ZDHHC1: variants seen among roughly 807,000 people sequenced by gnomAD.
The protein encoded by ZDHHC1 is palmitoyltransferase ZDHHC1.
In ZDHHC1, 45 loss-of-function variants were observed where a neutral mutation model predicts 46.9. The observed-to-expected ratio is 0.96, with a 90% confidence interval of 0.76 to 1.23. The LOEUF is 1.23. ZDHHC1 is among the 50% of genes most tolerant of loss of function. ZDHHC1 has a pLI of 0.00. For synonymous variants in ZDHHC1, 291 were observed against 286.0 expected (o/e 1.02, Z -0.18); for missense variants, 649 against 670.8 (o/e 0.97, Z 0.36).
Position 67,406,408 on chromosome 16 carries a change from G to T in ZDHHC1, c.44C>A (p.Ala15Asp), listed in dbSNP as rs1461328177. The T allele has an allele frequency of 1.3e-6, 2 of 1,565,422 alleles. No homozygotes were observed. The highest frequency in any genetic ancestry group is 8.7e-7 in the Non-Finnish European group (1 of 1,154,742). Residue 15 changes from alanine (A) to aspartate (D), a missense_variant, in exon 3 of 12, where the codon GCC becomes GAC. Ala to Asp is a moderately radical substitution (Grantham distance 126). Coordinates refer to ENST00000565726, the MANE Select transcript of ZDHHC1 (RefSeq NM_001323627.2). This position sits in a 1 kb window ranked among gnomAD's most constrained non-coding sequence, Gnocchi z 4.1. The stretch of plus-strand genomic sequence containing the variant: ...TGCCGTCCACACACTCTTCTCAGGG[G>T]CCGTCTTGTTGGAGGGCTTGTTGCA... The part of the protein sequence containing the change: ...NICNKPSNKT[A>D]PEKSVWTAPA...
chr16:67,400,299 G>C (rs1345412056), intron 4 of ZDHHC1, among the ~76,000 whole-genome samples: 4 of 152,230 alleles, frequency 2.6e-5, no homozygotes, highest in African/African-American at 9.6e-5. Context: ...CCGAGACCTG[G>C]AGACTGGGGG....
chr16:67,398,616 G>C lies in ZDHHC1; in HGVS notation c.771C>G (p.Ser257=), dbSNP rs2040480410. ...AGAGCAGGTGCCCCAGGAGGGCTGT[G>C]GACAGGAGGCCCAGAAGGATGAGCA... is the stretch of plus-strand genomic sequence containing the variant. ...AALLILLGLL[S]TALLGHLLCF... Residue 257 remains serine (S), a synonymous_variant, in exon 7 of 12, where the codon TCC becomes TCG. Transcript: ENST00000565726. 6 of 1,606,318 alleles carry C rather than the reference G, an allele frequency of 3.7e-6. No homozygotes were observed. The highest frequency in any genetic ancestry group is 5.1e-6 in the Non-Finnish European group (6 of 1,177,322).
intron 2 of ZDHHC1, among the ~76,000 whole-genome samples, chr16:67,407,459 T>C (rs1424031305): frequency 6.6e-6 from 1 of 152,128 alleles, no homozygotes; most frequent in Non-Finnish European, 1.5e-5. Flanking sequence ...GCAGAAAGGG[T>C]GCCGCAGACC....
At position 67,395,063 on chromosome 16, in the gene ZDHHC1, C is replaced by G. The variant is rs1428520349; in HGVS notation, c.1105-1G>C. 6.2e-7 allele frequency: 1 copy of G among 1,613,310 alleles called. No homozygotes were observed. The highest frequency in any genetic ancestry group is 8.5e-7 in the Non-Finnish European group (1 of 1,179,928). On this transcript the variant is annotated splice_acceptor_variant, in intron 10 of 11. Coordinates refer to ENST00000565726, the MANE Select transcript of ZDHHC1 (RefSeq NM_001323627.2). LOFTEE classifies it high-confidence loss of function. ...TATACACGCGCCTCTTCCTCTTTTT[C>G]TGCAGAGACACGGGGGAGCCTGAGG...
At chr16:67,399,333 C>T in intron 5 of ZDHHC1, 22 bp downstream of exon 5, 1 of 1,595,702 alleles carries the variant, frequency 6.3e-7, no homozygotes, top group Non-Finnish European at 8.6e-7. Flanking sequence ...CCCAGGCCCG[C>T]GTGCGGCCGG....
At chr16:67,411,841 G>A (rs564644164) in intron 1 of ZDHHC1, among the ~76,000 whole-genome samples, 5 of 152,320 alleles carry the variant, frequency 3.3e-5, no homozygotes, top group African/African-American at 1.2e-4. Context: ...GGCCGGGCGC[G>A]GTGGCTCACG....
In ZDHHC1 at chr16:67,406,348, T is replaced by C; in HGVS notation, c.104A>G (p.Gln35Arg). 1 of 1,589,958 alleles carries C rather than the reference T, an allele frequency of 6.3e-7. No individual in the cohort carries two copies. The highest frequency in any genetic ancestry group is 1.8e-5 in the Admixed American group (1 of 55,660). ...AQPSGPSPEL[Q>R]GQRSRRNGWS... ...CCCATTCCGGCGGGATCGCTGGCCC[T>C]GCAGCTCAGGGGAGGGTCCGCTGGG... The change falls in exon 3 of 12, where the codon CAG becomes CGG. Residue 35 changes from glutamine (Q) to arginine (R), a missense_variant. Coordinates refer to ENST00000565726, the MANE Select transcript of ZDHHC1 (RefSeq NM_001323627.2). The surrounding 1 kb of genome is among the most constrained non-coding windows in gnomAD (Gnocchi z 4.1).
chr16:67,408,482 G>C (rs1021552060), intron 1 of ZDHHC1, among the ~76,000 whole-genome samples: 1 of 150,520 alleles, frequency 6.6e-6, no homozygotes, highest in African/African-American at 2.4e-5. Context: ...GCCTTGCTTT[G>C]TTTTGTTTTG....
At chr16:67,395,095 C>A (rs1409888733) in intron 10 of ZDHHC1, 33 bp from the exon 11 acceptor site, 9 of 1,613,210 alleles carry the variant, frequency 5.6e-6, no homozygotes, top group Non-Finnish European at 7.6e-6. Context: ...GAGGGCCCCA[C>A]ATCGCCAAAA....
At chr16:67,405,202 C>T (rs968051437) in intron 3 of ZDHHC1, among the ~76,000 whole-genome samples, 2 of 152,216 alleles carry the variant, frequency 1.3e-5, no homozygotes, top group African/African-American at 2.4e-5. Flanking sequence ...CAGGGCTTTG[C>T]GGTTTCCTAA....
At position 67,394,899 on chromosome 16, in the gene ZDHHC1, C is replaced by G; in HGVS notation, c.1166-6G>C. ...GCGGCTGGGGGCCCTAGGCCCTGCG[C>G]AAGGGAAGGGAACATGAGCCCAGTG... On this transcript the variant is annotated splice_region_variant and splice_polypyrimidine_tract_variant and intron_variant, in intron 11 of 11. Coordinates refer to ENST00000565726, the MANE Select transcript of ZDHHC1 (RefSeq NM_001323627.2). 1.3e-6 allele frequency: 2 copies of G among 1,564,560 alleles called. No homozygotes were observed. Among genetic ancestry groups the G allele is most frequent in the Non-Finnish European group, 1.7e-6 (2 of 1,156,860 alleles).
chr16:67,406,398 C>G lies in ZDHHC1; in HGVS notation c.54G>C (p.Lys18Asn), dbSNP rs748932806. ...NKPSNKTAPEKSVWTAPAQPS... is the reference protein window; with the variant it reads ...NKPSNKTAPENSVWTAPAQPS... ...GCTGTGCCGGTGCCGTCCACACACT[C>G]TTCTCAGGGGCCGTCTTGTTGGAGG... Residue 18 changes from lysine (K) to asparagine (N), a missense_variant, in exon 3 of 12, where the codon AAG (lysine) becomes AAC (asparagine). Physicochemically the swap from Lys to Asn is moderately conservative, Grantham distance 94. Transcript: ENST00000565726. The surrounding 1 kb of genome is among the most constrained non-coding windows in gnomAD (Gnocchi z 4.1). The G allele has an allele frequency of 6.4e-7, 1 of 1,573,872 alleles. No individual in the cohort carries two copies. Among genetic ancestry groups the G allele is most frequent in the South Asian group, 1.2e-5 (1 of 85,840 alleles).
At chr16:67,407,364 G>T (rs2040680172) in intron 2 of ZDHHC1, among the ~76,000 whole-genome samples, 1 of 152,234 alleles carries the variant, frequency 6.6e-6, no homozygotes, top group Non-Finnish European at 1.5e-5. Context: ...CTGCGCTCAT[G>T]GTGGGAAGGC....
Position 67,414,252 on chromosome 16 carries a change from G to A in ZDHHC1, c.-39+1919C>T, listed in dbSNP as rs139257180. ...AGTCATTAAAAACAACGTTGTGACAGAACAAAGAAAGAAAAACAAAAACAA... is the reference window on the plus strand; with the variant it reads ...AGTCATTAAAAACAACGTTGTGACAAAACAAAGAAAGAAAAACAAAAACAA... On this transcript the variant is annotated intron_variant, in intron 1 of 11. Transcript: ENST00000565726. Among the ~76,000 whole-genome samples, 859 of 152,270 alleles carry A rather than the reference G, an allele frequency of 5.6e-3. 2 individuals carry two copies. Among genetic ancestry groups the A allele is most frequent in the South Asian group, 0.025 (119 of 4,828 alleles).
intron 1 of ZDHHC1, among the ~76,000 whole-genome samples, chr16:67,411,953 A>G (rs2040753761): frequency 6.6e-6 from 1 of 152,024 alleles, no homozygotes; most frequent in African/African-American, 2.4e-5. Context: ...TCTCTACTAA[A>G]AGTACAAAAA....
chr16:67,409,350 C>T (rs1043216274), intron 1 of ZDHHC1, among the ~76,000 whole-genome samples: 1 of 152,096 alleles, frequency 6.6e-6, no homozygotes, highest in Non-Finnish European at 1.5e-5. Flanking sequence ...AATCGGATAC[C>T]CCCTGATACT....
intron 1 of ZDHHC1, among the ~76,000 whole-genome samples, chr16:67,408,316 C>G (rs2040697708): frequency 6.7e-6 from 1 of 149,822 alleles, no homozygotes; most frequent in Non-Finnish European, 1.5e-5. Context: ...CAGGCACGCA[C>G]CACCACACCT....
At position 67,406,559 on chromosome 16, in the gene ZDHHC1, C is replaced by T. The variant is rs953140846; in HGVS notation, c.10-117G>A. On this transcript the variant is annotated intron_variant, in intron 2 of 11. Coordinates refer to ENST00000565726, the MANE Select transcript of ZDHHC1 (RefSeq NM_001323627.2). This position sits in a 1 kb window ranked among gnomAD's most constrained non-coding sequence, Gnocchi z 4.1. ...GGAGTAGGCTGCGACAGCTACTCTG[C>T]TGGGGAAACTGGGGTCCTAGCACAA... 1.0e-5 allele frequency: 13 copies of T among 1,259,808 alleles called. No homozygotes were observed. The South Asian group carries it at 1.8e-4, about 17-fold the overall frequency. 78.0% of individuals were successfully genotyped at this position (1,259,808 alleles called of 1,614,324 possible).
chr16:67,395,568 T>G lies in ZDHHC1; in HGVS notation c.928-2A>C, dbSNP rs1373648997. On this transcript the variant is annotated splice_acceptor_variant, in intron 8 of 11. Transcript: ENST00000565726. LOFTEE classifies it high-confidence loss of function. ...GGTCCGCATGTAGAACTCCATCTCC[T>G]GGGGAAGGTGGAAGTCAAGGAGGCT... is the stretch of plus-strand genomic sequence containing the variant. 6.4e-7 allele frequency: 1 copy of G among 1,552,218 alleles called. No homozygotes were observed. Among genetic ancestry groups the G allele is most frequent in the East Asian group, 2.4e-5 (1 of 41,138 alleles).
Sources: gnomAD v4.1 joint callset for allele counts (sites outside exome capture counted in the v4.1 genomes callset) on GRCh38, gnomAD v4.1.1 for gene constraint, Gnocchi (gnomAD v3.1) non-coding constraint, MANE v1.5 for transcripts, NCBI Gene and HGNC (gene_info 2026-07-23, HGNC 2026-07-21) for gene names.